The following FMN1 variants were observed in gnomAD, a reference collection of about 807,000 sequenced individuals.
FMN1 encodes the protein formin-1.
Under a neutral mutation model 132.4 loss-of-function variants are expected in FMN1, and 110 were observed. The ratio of observed to expected loss-of-function variants is 0.83; its 90% CI spans 0.71 to 0.97. The LOEUF (loss-of-function observed/expected upper bound fraction) is 0.97, where lower values mean the gene tolerates loss of function less well. Ranked by LOEUF, FMN1 falls within the 50% of genes least tolerant of loss-of-function variation. The pLI, the probability that FMN1 is intolerant of heterozygous loss-of-function variation, is 0.00. For synonymous variants in FMN1, 722 were observed against 651.7 expected, an observed-to-expected ratio of 1.11 and a Z score of -1.64; for missense variants, 1,792 against 1,705.3, an observed-to-expected ratio of 1.05 and a Z score of -0.90.
At chr15:33,056,342 G>A (rs771969680) in intron 6 of FMN1, among the ~76,000 whole-genome samples, 4 of 152,172 alleles carry the variant, frequency 2.6e-5, no homozygotes, top group Non-Finnish European at 5.9e-5. Flanking sequence ...CGAGAATCAG[G>A]CAGTCTCCTG....
chr15:33,079,142 G>C (rs758413987), intron 5 of FMN1, among the ~76,000 whole-genome samples: 1 of 152,030 alleles, frequency 6.6e-6, no homozygotes, highest in African/African-American at 2.4e-5. Flanking sequence ...ATAATACAGA[G>C]TTTTCTCTGT....
chr15:33,010,454 AAAG>A (rs2034651593), intron 6 of FMN1, among the ~76,000 whole-genome samples: 1 of 152,130 alleles, frequency 6.6e-6, no homozygotes, highest in Non-Finnish European at 1.5e-5. Context: ...TACACCAAAA[AAAG>A]GATGTTAATT....
At chr15:32,804,735 C>T (rs1390300679) in intron 17 of FMN1, among the ~76,000 whole-genome samples, 1 of 149,268 alleles carries the variant, frequency 6.7e-6, no homozygotes, top group Non-Finnish European at 1.5e-5. Flanking sequence ...TGTTCAACTC[C>T]CACCTATGAG....
chr15:32,766,037 G>A lies in FMN1; in HGVS notation c.*8273C>T, dbSNP rs189773073. 24 of 152,280 alleles carry A rather than the reference G, an allele frequency of 1.6e-4. No individual in the cohort carries two copies. The highest frequency in any genetic ancestry group is 5.5e-4 in the African/African-American group (23 of 41,560). The allele number at this position is 152,280 out of a possible 1,614,324, so 9.4% of individuals were successfully genotyped here. A position where few individuals can be genotyped will look rare whatever the true frequency, so the allele number is the denominator to read the frequency against. ...CTTATTATGCTTAAAAATATCCCAA[G>A]AGCGTGTAAGGTTTCATGTCTTTAA... On this transcript the variant is annotated 3_prime_UTR_variant, in exon 21 of 21. Transcript: ENST00000616417.
chr15:32,940,420 T>C (rs1309762235), intron 9 of FMN1, among the ~76,000 whole-genome samples: 2 of 151,710 alleles, frequency 1.3e-5, no homozygotes, highest in Non-Finnish European at 2.9e-5. Flanking sequence ...TGTGTGTGTG[T>C]GTGTGTGTGT....
At chr15:33,158,338 T>C (rs1395807907) in intron 3 of FMN1, among the ~76,000 whole-genome samples, 1 of 152,092 alleles carries the variant, frequency 6.6e-6, no homozygotes, top group Non-Finnish European at 1.5e-5. Flanking sequence ...CTCTATATGT[T>C]AGTCACAGTT....
chr15:33,127,809 ATC>A (rs1273977433), intron 4 of FMN1, among the ~76,000 whole-genome samples: 2 of 152,202 alleles, frequency 1.3e-5, no homozygotes, highest in African/African-American at 4.8e-5. Flanking sequence ...CACATCCAAG[ATC>A]TCATTCCTCA....
rs1282647603 is a variant in FMN1, at chr15:32,767,260, CAGTT to C, written c.*7046_*7049del. 6.6e-6 allele frequency: 1 copy of C among 152,122 alleles called. No individual in the cohort carries two copies. The highest frequency in any genetic ancestry group is 1.9e-4 in the East Asian group (1 of 5,198). 9.4% of individuals were successfully genotyped at this position (152,122 alleles called of 1,614,324 possible). A position where few individuals can be genotyped will look rare whatever the true frequency, so the allele number is the denominator to read the frequency against. On this transcript the variant is annotated 3_prime_UTR_variant, in exon 21 of 21. Transcript: ENST00000616417. ...CATTGCTTGCAAACTCACAAGATAC[CAGTT>C]ATATGAAGACATAAAACTGCATGGA...
Position 32,901,918 on chromosome 15 carries a change from G to A in FMN1, c.3500C>T (p.Ala1167Val). Reference sequence around the variant, plus strand: ...ATTAGACAGTAAACATACCTTAGAAGCTCGCGTGATGATCTCTACCTTTCT... The same window carrying A: ...ATTAGACAGTAAACATACCTTAGAAACTCGCGTGATGATCTCTACCTTTCT... Reference protein sequence around the residue: ...LHRKVEIITRASKDLLHVKSV... With the variant: ...LHRKVEIITRVSKDLLHVKSV... Residue 1167 changes from alanine to valine, a missense_variant, in exon 13 of 21, where the codon GCT becomes GTT. By Grantham distance (64) the Ala-to-Val change is moderately conservative. This residue lies in a region of FMN1 where 1,150 missense variants were observed against 1,043.1 expected (regional missense o/e 1.10). Transcript: ENST00000616417. 6.2e-7 allele frequency: 1 copy of A among 1,606,640 alleles called. No homozygotes were observed. The highest frequency in any genetic ancestry group is 1.1e-5 in the South Asian group (1 of 89,038).
At chr15:32,889,800 G>C (rs2059981935) in intron 15 of FMN1, among the ~76,000 whole-genome samples, 1 of 152,132 alleles carries the variant, frequency 6.6e-6, no homozygotes, top group Non-Finnish European at 1.5e-5. Flanking sequence ...TAAGTTATTG[G>C]GGTAGAGGTG....
chr15:33,175,706 G>A (rs1965491188), intron 3 of FMN1, among the ~76,000 whole-genome samples: 1 of 152,168 alleles, frequency 6.6e-6, no homozygotes, highest in African/African-American at 2.4e-5. Context: ...CATTAAAGCA[G>A]AGAAAACTGA....
chr15:33,184,072 G>C (rs76637538), intron 2 of FMN1, among the ~76,000 whole-genome samples: 1 of 151,898 alleles, frequency 6.6e-6, no homozygotes, highest in South Asian at 2.1e-4. Context: ...TCTTTTTATT[G>C]CTTGAAATTC....
intron 5 of FMN1, among the ~76,000 whole-genome samples, chr15:33,075,973 C>G (rs1357440550): frequency 6.6e-6 from 1 of 152,178 alleles, no homozygotes; most frequent in Non-Finnish European, 1.5e-5. Flanking sequence ...TGGCTAGAAT[C>G]CTACTCTCAA....
intron 4 of FMN1, among the ~76,000 whole-genome samples, chr15:33,149,321 A>G (rs1165852624): frequency 6.6e-6 from 1 of 152,176 alleles, no homozygotes; most frequent in African/African-American, 2.4e-5. Context: ...CATTTTATGT[A>G]TTATTTTATA....
chr15:32,980,649 TTC>T (rs2032580514), intron 7 of FMN1, among the ~76,000 whole-genome samples: 1 of 152,234 alleles, frequency 6.6e-6, no homozygotes, highest in South Asian at 2.1e-4. Context: ...ATACCAAATT[TTC>T]TCTGATTTCC....
At chr15:32,991,513 C>T (rs1432203298) in intron 7 of FMN1, among the ~76,000 whole-genome samples, 1 of 152,168 alleles carries the variant, frequency 6.6e-6, no homozygotes, top group Non-Finnish European at 1.5e-5. Context: ...AGCATCAGGG[C>T]TGTGATTCAA....
chr15:33,088,517 A>G (rs548297725), intron 5 of FMN1, among the ~76,000 whole-genome samples: 2 of 152,322 alleles, frequency 1.3e-5, no homozygotes, highest in South Asian at 4.1e-4. Flanking sequence ...TACTCCCACA[A>G]TGAGAGATCT....
At chr15:33,111,408 A>G (rs2039699088) in intron 4 of FMN1, among the ~76,000 whole-genome samples, 2 of 152,270 alleles carry the variant, frequency 1.3e-5, no homozygotes, top group South Asian at 2.1e-4. Context: ...AGCTCCAGAA[A>G]ACAGTCTTGG....
intron 13 of FMN1, among the ~76,000 whole-genome samples, chr15:32,901,295 C>G (rs552652320): frequency 4.6e-5 from 7 of 152,212 alleles, no homozygotes; most frequent in Admixed American, 3.3e-4. Flanking sequence ...TATCTCATAT[C>G]TTAGAGGAAA....
Sources: allele counts gnomAD v4.1 joint callset (sites outside exome capture counted in the v4.1 genomes callset), GRCh38; gene constraint gnomAD v4.1.1; regional missense constraint gnomAD v4.1.1; transcripts MANE v1.5; gene names NCBI Gene and HGNC (gene_info 2026-07-23, HGNC 2026-07-21).